ZNF329: variants seen among roughly 807,000 people sequenced by gnomAD.
ZNF329 encodes zinc finger protein 329.
ZNF329 carries 15 observed loss-of-function variants against 26.6 expected under a neutral mutation model. The observed-to-expected ratio is 0.56, with a 90% CI of 0.38 to 0.87. The LOEUF is 0.87. ZNF329 is among the 40% of genes least tolerant of loss of function. The pLI is 0.00. For missense variants in ZNF329, 651 were observed against 651.9 expected (o/e 1.00, Z 0.02); for synonymous variants, 239 against 233.5 (o/e 1.02, Z -0.21).
At chr19:58,147,860 C>T (rs994521713) in intron 1 of ZNF329, among the ~76,000 whole-genome samples, 2 of 151,116 alleles carry the variant, frequency 1.3e-5, no homozygotes, top group Admixed American at 6.6e-5. Context: ...AGTGAGGAGC[C>T]CCTATGCCCA....
chr19:58,132,966 C>T (rs1003537544), intron 3 of ZNF329, among the ~76,000 whole-genome samples: 1 of 152,074 alleles, frequency 6.6e-6, no homozygotes, highest in African/African-American at 2.4e-5. Flanking sequence ...GTGTCTGCCA[C>T]CACGCCCAGC....
intron 3 of ZNF329, among the ~76,000 whole-genome samples, chr19:58,133,956 G>A (rs925268934): frequency 2.6e-5 from 4 of 152,162 alleles, no homozygotes; most frequent in African/African-American, 7.2e-5. Flanking sequence ...TGGCCAATGA[G>A]GTGGGAATGG....
At chr19:58,144,387 T>G (rs2075256898) in intron 1 of ZNF329, among the ~76,000 whole-genome samples, 2 of 105,780 alleles carry the variant, frequency 1.9e-5, no homozygotes, top group Non-Finnish European at 2.1e-5. Flanking sequence ...TATCTATATA[T>G]ATATATATAT....
In ZNF329 at chr19:58,142,150, G is replaced by A. The variant is rs144653747; in HGVS notation, c.-9+407C>T. Reference sequence around the variant, plus strand: ...CACATACAAAAGACCACATACTGCAGGCTATTTATATGAAATGTCCATAAC... The same window carrying A: ...CACATACAAAAGACCACATACTGCAAGCTATTTATATGAAATGTCCATAAC... On this transcript the variant is annotated intron_variant, in intron 3 of 3. Coordinates refer to ENST00000598312, the MANE Select transcript of ZNF329 (RefSeq NM_024620.4). 3.3e-3 allele frequency among the ~76,000 whole-genome samples: 498 copies of A among 152,276 alleles called. 3 individuals are homozygous for A. Among genetic ancestry groups the A allele is most frequent in the African/African-American group, 0.011 (470 of 41,560 alleles).
intron 1 of ZNF329, among the ~76,000 whole-genome samples, chr19:58,145,593 A>T (rs1280500471): frequency 6.6e-6 from 1 of 152,182 alleles, no homozygotes; most frequent in Non-Finnish European, 1.5e-5. Context: ...AGGTGCTGGG[A>T]TTATAGGCGC....
intron 3 of ZNF329, among the ~76,000 whole-genome samples, chr19:58,137,731 A>C (rs1378709935): frequency 2.0e-5 from 3 of 150,434 alleles, no homozygotes; most frequent in Non-Finnish European, 3.0e-5. Flanking sequence ...TGGGAGGCTA[A>C]GGCAGGTGGA....
intron 3 of ZNF329, among the ~76,000 whole-genome samples, chr19:58,135,446 T>C (rs1221700399): frequency 6.6e-6 from 1 of 152,120 alleles, no homozygotes; most frequent in African/African-American, 2.4e-5. Flanking sequence ...TTTGTATTTT[T>C]AGTAGAGACA....
At chr19:58,130,040 C>T (rs944595215) in intron 3 of ZNF329, among the ~76,000 whole-genome samples, 23 of 152,196 alleles carry the variant, frequency 1.5e-4, no homozygotes, top group Admixed American at 5.9e-4. Context: ...AATGACCTGG[C>T]GGGGCACAGT....
At chr19:58,140,495 C>T (rs1023467530) in intron 3 of ZNF329, among the ~76,000 whole-genome samples, 7 of 150,354 alleles carry the variant, frequency 4.7e-5, no homozygotes, top group Non-Finnish European at 1.0e-4. Context: ...TCACTGCAAG[C>T]TCCGTCTCCC....
chr19:58,130,952 C>T (rs1226434931), intron 3 of ZNF329, among the ~76,000 whole-genome samples: 3 of 152,076 alleles, frequency 2.0e-5, no homozygotes, highest in Non-Finnish European at 4.4e-5. Flanking sequence ...AAGCAATTAT[C>T]CCACCTCAGC....
At position 58,144,387 on chromosome 19, in the gene ZNF329, TATATATATA is replaced by T. The variant is rs1306417424; in HGVS notation, c.-207-1198_-207-1190del. Among the ~76,000 whole-genome samples the T allele has an allele frequency of 4.6e-4, 49 of 105,862 alleles. 1 individual carries two copies. The highest frequency in any genetic ancestry group is 5.1e-3 in the Middle Eastern group (1 of 198). The allele number at this position is 105,862 out of a possible 152,430, so 69.4% of individuals were successfully genotyped here. ...ATCTATCTATCTATCTATCTATATA[TATATATATA>T]TTTTTTTTTTGAGACGGAGTCTCGC... is the stretch of plus-strand genomic sequence containing the variant. On this transcript the variant is annotated intron_variant, in intron 1 of 3. Coordinates refer to ENST00000598312, the MANE Select transcript of ZNF329 (RefSeq NM_024620.4).
upstream of ZNF329, among the ~76,000 whole-genome samples, chr19:58,153,799 C>G (rs1466982540): frequency 6.6e-6 from 1 of 152,076 alleles, no homozygotes; most frequent in Non-Finnish European, 1.5e-5. Flanking sequence ...GCCTTGACCT[C>G]CTGGGCTCAA....
At chr19:58,154,077 C>A (rs902133810), upstream of ZNF329, among the ~76,000 whole-genome samples, 5 of 151,730 alleles carry the variant, frequency 3.3e-5, no homozygotes, top group Non-Finnish European at 7.4e-5. Context: ...TCTCAGCTCA[C>A]TGCAGCCTCC....
chr19:58,144,716 TA>T (rs1215184454), intron 1 of ZNF329, among the ~76,000 whole-genome samples: 22 of 139,022 alleles, frequency 1.6e-4, no homozygotes, highest in African/African-American at 5.6e-4. Context: ...TTTTTTTTTT[TA>T]AAGAGACAGA....
rs1296989800 is a variant in ZNF329 at position 58,127,175 on chromosome 19, C to G, written c.*703G>C. 1 of 152,096 alleles carries G rather than the reference C, an allele frequency of 6.6e-6. No homozygotes were observed. Among genetic ancestry groups the G allele is most frequent in the East Asian group, 1.9e-4 (1 of 5,190 alleles). 9.4% of individuals were successfully genotyped at this position (152,096 alleles called of 1,614,324 possible). A position where few individuals can be genotyped will look rare whatever the true frequency, so the allele number is the denominator to read the frequency against. On this transcript the variant is annotated 3_prime_UTR_variant, in exon 4 of 4. Coordinates refer to ENST00000598312, the MANE Select transcript of ZNF329 (RefSeq NM_024620.4). ...TTGTTACAGAAAACACAGTAAGAGC[C>G]CCTGCCAAAGCCTCTCTTTCTGATT...
chr19:58,129,542 T>G, intron 3 of ZNF329, 31 bp from the exon 4 acceptor site: 4 of 1,523,876 alleles, frequency 2.6e-6, no homozygotes, highest in Non-Finnish European at 3.5e-6. Flanking sequence ...CAGACTTAGG[T>G]ATATGAAGCT....
chr19:58,147,574 CGCCCCGTCCGGG>C lies in ZNF329; in HGVS notation c.-208+3166_-208+3177del, dbSNP rs1568676686. Among the ~76,000 whole-genome samples the C allele has an allele frequency of 1.4e-4, 20 of 145,186 alleles. No homozygotes were observed. In the East Asian group the frequency reaches 1.8e-3, roughly 13 times the overall value. ...GGGGTCAGCCCCCCGCCCGGCCAGCCGCCCCGTCCGGGAGGGAGGTGGGGGGGTCAGCCCTCC... is the reference window on the plus strand; with the variant it reads ...GGGGTCAGCCCCCCGCCCGGCCAGCCAGGGAGGTGGGGGGGTCAGCCCTCC... On this transcript the variant is annotated intron_variant, in intron 1 of 3. Transcript: ENST00000598312.
chr19:58,147,694 C>G (rs1368074368), intron 1 of ZNF329, among the ~76,000 whole-genome samples: 1 of 147,382 alleles, frequency 6.8e-6, no homozygotes, highest in African/African-American at 2.6e-5. Context: ...AGATGAGGGG[C>G]GCCTCTGCCC....
intron 1 of ZNF329, among the ~76,000 whole-genome samples, chr19:58,143,817 A>G (rs1568671466): frequency 6.6e-6 from 1 of 152,120 alleles, no homozygotes; most frequent in Non-Finnish European, 1.5e-5. Flanking sequence ...GCAGTGGCTC[A>G]CACTTATAAT....
Sources: allele counts gnomAD v4.1 joint callset (sites outside exome capture counted in the v4.1 genomes callset), GRCh38; gene constraint gnomAD v4.1.1; transcripts MANE v1.5; gene names NCBI Gene and HGNC (gene_info 2026-07-23, HGNC 2026-07-21).